Variants in ANK3 observed in about 807,000 individuals in gnomAD.
ANK3 encodes the protein ankyrin-3.
ANK3 carries 57 observed loss-of-function variants against 370.9 expected under a neutral mutation model. The observed-to-expected ratio is 0.15, with a 90% CI of 0.12 to 0.19. ANK3 has a LOEUF of 0.19. ANK3 is among the 10% of genes least tolerant of loss of function. The pLI, the probability that ANK3 is intolerant of heterozygous loss-of-function variation, is 1.00. For missense variants in ANK3, 4,439 were observed against 5,302.1 expected (o/e 0.84, Z 5.06); for synonymous variants, 1,929 against 1,946.3 (o/e 0.99, Z 0.23).
intron 2 of ANK3, among the ~76,000 whole-genome samples, chr10:60,412,518 T>C (rs2063580550): frequency 6.6e-6 from 1 of 152,192 alleles, no homozygotes; most frequent in Admixed American, 6.5e-5. Context: ...GCAGGACTTC[T>C]CAGCCTCCAA....
intron 2 of ANK3, among the ~76,000 whole-genome samples, chr10:60,451,473 A>ATTTCACATG (rs2133039760): frequency 6.6e-6 from 1 of 152,266 alleles, no homozygotes; most frequent in Non-Finnish European, 1.5e-5. Context: ...TGCTCAGCTT[A>ATTTCACATG]TTTCACATGG....
At chr10:60,522,618 T>G (rs2076374159) in intron 2 of ANK3, among the ~76,000 whole-genome samples, 1 of 152,106 alleles carries the variant, frequency 6.6e-6, no homozygotes, top group Non-Finnish European at 1.5e-5. Flanking sequence ...AACTGCAAGT[T>G]GCTACGTACT....
rs756015368 is a variant in ANK3, at chr10:60,733,271, G to A, written c.49C>T (p.Pro17Ser). ...GGCGGCGCGGCGCTCACCTGGGCAGGAGCGGAGTCCTCGGTGCCCGCGGGA... is the reference window on the plus strand; with the variant it reads ...GGCGGCGCGGCGCTCACCTGGGCAGAAGCGGAGTCCTCGGTGCCCGCGGGA... Residue 17 changes from proline to serine, a missense_variant, in exon 1 of 44, where the codon CCT becomes TCT. Physicochemically the swap from Pro to Ser is moderately conservative, Grantham distance 74. Coordinates refer to the ANK3 transcript ENST00000373827. 11 of 1,239,084 alleles carry A rather than the reference G, an allele frequency of 8.9e-6. No homozygotes were observed. In the South Asian group the frequency reaches 4.0e-4, roughly 45 times the overall value. 76.8% of individuals were successfully genotyped at this position (1,239,084 alleles called of 1,614,324 possible).
chr10:60,271,990 C>T (rs1015674432), intron 4 of ANK3, among the ~76,000 whole-genome samples: 2 of 151,268 alleles, frequency 1.3e-5, no homozygotes, highest in Non-Finnish European at 2.9e-5. Flanking sequence ...AAATTGTCTA[C>T]CTGATAATAT....
Position 60,072,145 on chromosome 10 carries a change from A to T in ANK3, c.8736T>A (p.Ser2912=). The change falls in exon 37 of 44, where the codon TCT becomes TCA. Residue 2912 remains serine, a synonymous_variant. Transcript: ENST00000280772. ...CAGTCATTTCTTTAATTTCTGAGAG[A>T]GAGCCGTTTGTTAACAATTTGCGTT... The part of the protein sequence containing the change: ...ERERKLLTNG[S]LSEIKEMTVK... The T allele has an allele frequency of 6.2e-7, 1 of 1,613,930 alleles. No individual in the cohort carries two copies. The highest frequency in any genetic ancestry group is 8.5e-7 in the Non-Finnish European group (1 of 1,180,006).
chr10:60,116,216 G>A (rs1230189060), intron 25 of ANK3, among the ~76,000 whole-genome samples: 1 of 152,018 alleles, frequency 6.6e-6, no homozygotes, highest in Non-Finnish European at 1.5e-5. Flanking sequence ...ATTCAGAATC[G>A]CACCCTTCCT....
chr10:60,269,700 CTA>C (rs1346955686), intron 5 of ANK3, among the ~76,000 whole-genome samples: 1 of 130,132 alleles, frequency 7.7e-6, no homozygotes, highest in Non-Finnish European at 1.5e-5. Context: ...TGAATTAAGT[CTA>C]GTTAACTTAA....
chr10:60,127,112 A>G (rs1473782939), intron 25 of ANK3, among the ~76,000 whole-genome samples: 1 of 152,228 alleles, frequency 6.6e-6, no homozygotes, highest in Non-Finnish European at 1.5e-5. Flanking sequence ...CTTTGGACGT[A>G]TGTCATCTTT....
chr10:60,307,631 T>C (rs2045439230), intron 1 of ANK3, among the ~76,000 whole-genome samples: 1 of 152,140 alleles, frequency 6.6e-6, no homozygotes, highest in African/African-American at 2.4e-5. Context: ...CAAGCTTCTA[T>C]GCTTGGCCTA....
At chr10:60,174,598 C>T (rs927524662) in intron 18 of ANK3, among the ~76,000 whole-genome samples, 22 of 152,144 alleles carry the variant, frequency 1.4e-4, no homozygotes, top group African/African-American at 4.1e-4. Flanking sequence ...GTCAAAACCA[C>T]GTGGACCCAA....
chr10:60,328,840 T>C (rs966924309), intron 1 of ANK3, among the ~76,000 whole-genome samples: 1 of 151,994 alleles, frequency 6.6e-6, no homozygotes, highest in Non-Finnish European at 1.5e-5. Flanking sequence ...AAAAAGAAAA[T>C]TTCAGGCCAA....
At chr10:60,698,400 G>C (rs2079494605) in intron 1 of ANK3, among the ~76,000 whole-genome samples, 1 of 151,732 alleles carries the variant, frequency 6.6e-6, no homozygotes, top group African/African-American at 2.4e-5. Flanking sequence ...TCCCATTACT[G>C]GGTATATACC....
chr10:60,634,698 C>T (rs563827640), intron 1 of ANK3, among the ~76,000 whole-genome samples: 2 of 152,204 alleles, frequency 1.3e-5, no homozygotes, highest in South Asian at 4.2e-4. Flanking sequence ...CTTGCTGTTG[C>T]TCACTCTTTG....
chr10:60,664,915 T>C (rs964411926), intron 1 of ANK3, among the ~76,000 whole-genome samples: 2 of 152,228 alleles, frequency 1.3e-5, no homozygotes, highest in African/African-American at 2.4e-5. Flanking sequence ...ATATCCAATA[T>C]GCAATTTAGT....
In ANK3 at chr10:60,085,159, G is replaced by A; in HGVS notation, c.3843C>T (p.Ala1281=). 1 of 1,607,430 alleles carries A rather than the reference G, an allele frequency of 6.2e-7. No homozygotes were observed. Among genetic ancestry groups the A allele is most frequent in the Non-Finnish European group, 8.5e-7 (1 of 1,176,752 alleles). ...TTTGGAATCCTTTATTTCCATACCTGGCTGAAACATTGGTTGTAAAGGAGA... is the reference window on the plus strand; with the variant it reads ...TTTGGAATCCTTTATTTCCATACCTAGCTGAAACATTGGTTGTAAAGGAGA... ...DCVSFTTNVS[A]RFWLADCHQV... is the part of the protein sequence containing the mutation. Residue 1281 remains alanine (A), a splice_region_variant and synonymous_variant, in exon 31 of 44, where the codon GCC becomes GCT. Coordinates refer to ENST00000280772, the MANE Select transcript of ANK3 (RefSeq NM_020987.5).
At chr10:60,057,622 A>AC (rs1446151886) in intron 41 of ANK3, among the ~76,000 whole-genome samples, 1 of 152,152 alleles carries the variant, frequency 6.6e-6, no homozygotes, top group Non-Finnish European at 1.5e-5. Context: ...GCGTTCTCCT[A>AC]CCCTGCATAT....
chr10:60,574,697 G>A (rs575537045), intron 2 of ANK3, among the ~76,000 whole-genome samples: 2 of 152,132 alleles, frequency 1.3e-5, no homozygotes, highest in Admixed American at 6.5e-5. Context: ...TTTATTAGTC[G>A]TGTGTCTTTT....
At chr10:60,676,895 G>A (rs553426795) in intron 1 of ANK3, among the ~76,000 whole-genome samples, 124 of 152,264 alleles carry the variant, frequency 8.1e-4, no homozygotes, top group Non-Finnish European at 1.5e-3. Context: ...AGAAGACTTG[G>A]AATGTTCCCA....
At chr10:60,499,422 A>G (rs561601106) in intron 2 of ANK3, among the ~76,000 whole-genome samples, 4 of 152,352 alleles carry the variant, frequency 2.6e-5, no homozygotes, top group Admixed American at 2.0e-4. Context: ...TCAATAAAGG[A>G]AAAGAAAACT....
Sources: allele counts gnomAD v4.1 joint callset (sites outside exome capture counted in the v4.1 genomes callset), GRCh38; gene constraint gnomAD v4.1.1; transcripts MANE v1.5; gene names NCBI Gene and HGNC (gene_info 2026-07-23, HGNC 2026-07-21).